Variants in SIPA1L1 observed in about 807,000 individuals in gnomAD.
SIPA1L1 encodes the protein signal induced proliferation associated 1 like 1, also known as signal-induced proliferation-associated 1-like protein 1.
SIPA1L1 carries 26 observed loss-of-function variants against 162.7 expected under a neutral mutation model. That is an observed-to-expected ratio of 0.16 (90% confidence interval 0.12 to 0.22). The LOEUF is 0.22. SIPA1L1 is among the 10% of genes least tolerant of loss of function. The pLI is 1.00. For missense variants in SIPA1L1, 1,874 were observed against 2,241.0 expected, an observed-to-expected ratio of 0.84 and a Z score of 3.31; for synonymous variants, 829 against 837.4, an observed-to-expected ratio of 0.99 and a Z score of 0.17.
At chr14:71,513,192 A>T (rs1453544218) in intron 3 of SIPA1L1, among the ~76,000 whole-genome samples, 1 of 152,080 alleles carries the variant, frequency 6.6e-6, no homozygotes, top group Admixed American at 6.5e-5. Flanking sequence ...GGCGTTCTTC[A>T]TCAATAGCTA....
intron 2 of SIPA1L1, among the ~76,000 whole-genome samples, chr14:71,500,617 A>G (rs958257279): frequency 3.9e-5 from 6 of 152,212 alleles, no homozygotes; most frequent in African/African-American, 7.2e-5. Context: ...TACAATGGAA[A>G]CACACACATC....
chr14:71,391,297 G>A (rs969468157), intron 2 of SIPA1L1, among the ~76,000 whole-genome samples: 1 of 151,920 alleles, frequency 6.6e-6, no homozygotes, highest in African/African-American at 2.4e-5. Flanking sequence ...AGTAGAGATG[G>A]GGTTTCACCG....
intron 5 of SIPA1L1, among the ~76,000 whole-genome samples, chr14:71,603,618 C>T (rs2037063145): frequency 1.3e-5 from 2 of 152,056 alleles, no homozygotes; most frequent in Non-Finnish European, 2.9e-5. Context: ...TGCCACCATG[C>T]CTTACTAATT....
chr14:71,703,883 T>C (rs1019761938), intron 15 of SIPA1L1, among the ~76,000 whole-genome samples: 1 of 152,178 alleles, frequency 6.6e-6, no homozygotes, highest in Admixed American at 6.5e-5. Context: ...CCCTCTAGTC[T>C]TTTTTTCCCT....
intron 6 of SIPA1L1, among the ~76,000 whole-genome samples, chr14:71,623,758 T>C (rs1017865629): frequency 9.9e-5 from 15 of 152,248 alleles, no homozygotes; most frequent in South Asian, 6.2e-4. Context: ...CCTTGATCTT[T>C]ACTGATCTCT....
intron 2 of SIPA1L1, among the ~76,000 whole-genome samples, chr14:71,445,519 G>C (rs768398256): frequency 2.4e-4 from 37 of 151,996 alleles, no homozygotes; most frequent in Non-Finnish European, 5.0e-4. Flanking sequence ...TTAGTTTTTA[G>C]ATGTGCATGG....
At chr14:71,735,158 A>G in intron 21 of SIPA1L1, 119 bp from the exon 22 acceptor site, 1 of 682,724 alleles carries the variant, frequency 1.5e-6, no homozygotes, top group East Asian at 2.5e-5. Context: ...TAAGATTTCC[A>G]GTGCATCCTG....
At chr14:71,567,809 A>G (rs1392087078) in intron 4 of SIPA1L1, among the ~76,000 whole-genome samples, 2 of 150,572 alleles carry the variant, frequency 1.3e-5, no homozygotes, top group African/African-American at 4.9e-5. Context: ...TCTTGATTAT[A>G]TACTAAACAA....
chr14:71,620,038 T>C (rs955519466), intron 6 of SIPA1L1, among the ~76,000 whole-genome samples: 2 of 152,220 alleles, frequency 1.3e-5, no homozygotes, highest in South Asian at 2.1e-4. Flanking sequence ...TAGTTGCTCC[T>C]CTCTAGCTTC....
intron 12 of SIPA1L1, 116 bp downstream of exon 12, chr14:71,672,738 G>C (rs1232856760): frequency 9.0e-7 from 1 of 1,116,908 alleles, no homozygotes; most frequent in African/African-American, 1.6e-5. Flanking sequence ...TAGGTTACAT[G>C]TGATGCTGAA....
At chr14:71,717,603 A>G (rs1324809556) in intron 17 of SIPA1L1, among the ~76,000 whole-genome samples, 1 of 152,222 alleles carries the variant, frequency 6.6e-6, no homozygotes. Flanking sequence ...TTCCAGGATA[A>G]TGAAAGAGCC....
intron 2 of SIPA1L1, among the ~76,000 whole-genome samples, chr14:71,330,079 G>A (rs1005911558): frequency 6.6e-6 from 1 of 151,902 alleles, no homozygotes; most frequent in Non-Finnish European, 1.5e-5. Context: ...TTCAATAAAT[G>A]TCAGTTGTCT....
intron 2 of SIPA1L1, among the ~76,000 whole-genome samples, chr14:71,440,694 A>C (rs1026681933): frequency 2.0e-5 from 3 of 151,712 alleles, no homozygotes; most frequent in Non-Finnish European, 4.4e-5. Flanking sequence ...GAAAAAGAAA[A>C]ATCTGAAGTG....
intron 7 of SIPA1L1, among the ~76,000 whole-genome samples, chr14:71,639,488 A>C (rs2041490198): frequency 6.6e-6 from 1 of 152,242 alleles, no homozygotes; most frequent in Admixed American, 6.5e-5. Context: ...TAATCATGTC[A>C]GTGTTCTCCA....
At chr14:71,427,687 A>G (rs542106564) in intron 2 of SIPA1L1, among the ~76,000 whole-genome samples, 3 of 151,786 alleles carry the variant, frequency 2.0e-5, no homozygotes, top group African/African-American at 7.3e-5. Context: ...TGCATCCTCA[A>G]ATCTGCCTTT....
intron 17 of SIPA1L1, among the ~76,000 whole-genome samples, chr14:71,719,276 T>C (rs373209201): frequency 6.6e-6 from 1 of 152,148 alleles, no homozygotes; most frequent in Admixed American, 6.5e-5. Context: ...TTTGTACACA[T>C]ACATATATGT....
At chr14:71,450,994 A>G (rs2045776959) in intron 2 of SIPA1L1, among the ~76,000 whole-genome samples, 2 of 152,210 alleles carry the variant, frequency 1.3e-5, no homozygotes, top group Admixed American at 1.3e-4. Flanking sequence ...AAGATATGGA[A>G]TCAATCTAAG....
At chr14:71,451,958 C>T (rs2045860163) in intron 2 of SIPA1L1, among the ~76,000 whole-genome samples, 1 of 151,992 alleles carries the variant, frequency 6.6e-6, no homozygotes, top group African/African-American at 2.4e-5. Context: ...AACAAAACAC[C>T]ACTCTGGTCT....
intron 17 of SIPA1L1, among the ~76,000 whole-genome samples, chr14:71,719,752 A>G (rs2083549537): frequency 6.6e-6 from 1 of 152,168 alleles, no homozygotes; most frequent in South Asian, 2.1e-4. Context: ...CTTGGCCCCC[A>G]AAGTGCTGGG....
Sources: gnomAD v4.1 joint callset for allele counts (sites outside exome capture counted in the v4.1 genomes callset) on GRCh38, gnomAD v4.1.1 for gene constraint, MANE v1.5 for transcripts, NCBI Gene and HGNC (gene_info 2026-07-23, HGNC 2026-07-21) for gene names.